Variants in LRCH2 observed in about 807,000 individuals in gnomAD.
LRCH2 encodes the protein leucine rich repeats and calponin homology domain containing 2, also known as leucine-rich repeat and calponin homology domain-containing protein 2.
LRCH2 carries 38 observed loss-of-function variants against 68.9 expected under a neutral mutation model. The ratio of observed to expected loss-of-function variants is 0.55; its 90% CI spans 0.43 to 0.72. The LOEUF (loss-of-function observed/expected upper bound fraction) is 0.72, where lower values mean the gene tolerates loss of function less well. Ranked by LOEUF, LRCH2 falls within the 30% of genes least tolerant of loss-of-function variation. The pLI is 0.00. For synonymous variants in LRCH2, 191 were observed against 208.1 expected, an observed-to-expected ratio of 0.92 and a Z score of 0.71; for missense variants, 528 against 572.9, an observed-to-expected ratio of 0.92 and a Z score of 0.80.
At position 115,207,356 on chromosome X, in the gene LRCH2, T is replaced by C. The variant is rs1237456009; in HGVS notation, c.350-18986A>G. Among the ~76,000 whole-genome samples, 4 of 110,299 alleles carry C rather than the reference T, an allele frequency of 3.6e-5. No homozygotes were observed. In the East Asian group the frequency reaches 1.2e-3, roughly 32 times the overall value. Reference sequence around the variant, plus strand: ...GTGTTCCAGACCAGCCTGGGCAATATGGCGAAACCCTATCTCTACAAAAAA... The same window carrying C: ...GTGTTCCAGACCAGCCTGGGCAATACGGCGAAACCCTATCTCTACAAAAAA... On this transcript the variant is annotated intron_variant, in intron 1 of 20. Transcript: ENST00000317135.
At chrX:115,195,022 T>G (rs1381005166) in intron 1 of LRCH2, among the ~76,000 whole-genome samples, 1 of 111,616 alleles carries the variant, frequency 9.0e-6, no homozygotes, top group African/African-American at 3.3e-5. Context: ...CAGTGGCTCA[T>G]GCCTATAATC....
chrX:115,188,232 T>A lies in LRCH2; in HGVS notation c.488A>T (p.Asn163Ile). The A allele has an allele frequency of 8.9e-7, 1 of 1,122,927 alleles. No individual in the cohort carries two copies. The highest frequency in any genetic ancestry group is 1.2e-6 in the Non-Finnish European group (1 of 849,780). 92.5% of individuals were successfully genotyped at this position (1,122,927 alleles called of 1,213,427 possible). ...IKNLQMLTYL[N>I]ISRNLLSTLP... ...TTTTAAATTGTTTCCTTACCTAATG[T>A]TAAGGTATGTTAACATCTGCAGATT... The change falls in exon 2 of 21, where the codon AAC becomes ATC. Residue 163 changes from asparagine to isoleucine, a missense_variant. Physicochemically the swap from Asn to Ile is moderately radical, Grantham distance 149. Coordinates refer to ENST00000317135, the MANE Select transcript of LRCH2 (RefSeq NM_020871.4).
chrX:115,221,352 C>A (rs927104241), intron 1 of LRCH2, among the ~76,000 whole-genome samples: 7 of 102,978 alleles, frequency 6.8e-5, no homozygotes, highest in African/African-American at 2.5e-4. Context: ...TTAAAAATAA[C>A]AAAACAATAA....
At chrX:115,192,183 G>A in intron 1 of LRCH2, 2 of 1,164,977 alleles carry the variant, frequency 1.7e-6, no homozygotes, top group Admixed American at 2.6e-5. Context: ...GCTGCTACGA[G>A]GAATACCAAG....
chrX:115,116,455 A>G (rs964629509), intron 20 of LRCH2, among the ~76,000 whole-genome samples: 1 of 111,231 alleles, frequency 9.0e-6, no homozygotes, highest in Non-Finnish European at 1.9e-5. Flanking sequence ...CAGACACTAA[A>G]GACCACATAT....
At chrX:115,133,269 C>T (rs782616548) in intron 14 of LRCH2, among the ~76,000 whole-genome samples, 30 of 111,884 alleles carry the variant, frequency 2.7e-4, no homozygotes, top group African/African-American at 9.4e-4. Flanking sequence ...AAATGAAGAC[C>T]GCTCTTGCCT....
intron 1 of LRCH2, chrX:115,192,621 G>T (rs782800955): frequency 2.6e-6 from 3 of 1,170,701 alleles, no homozygotes; most frequent in Non-Finnish European, 3.4e-6. Context: ...GCTTCGAGAG[G>T]GGGGAAGGCC....
intron 11 of LRCH2, among the ~76,000 whole-genome samples, chrX:115,159,566 A>G (rs901516886): frequency 9.1e-6 from 1 of 110,121 alleles, no homozygotes; most frequent in Non-Finnish European, 1.9e-5. Flanking sequence ...CCTGGCTAAC[A>G]TGGTGAAACC....
intron 1 of LRCH2, among the ~76,000 whole-genome samples, chrX:115,202,388 GA>G (rs1336802431): frequency 1.8e-5 from 2 of 111,712 alleles, no homozygotes; most frequent in African/African-American, 6.5e-5. Flanking sequence ...GAGAGTGGGA[GA>G]GGGGTATATA....
intron 1 of LRCH2, 85 bp from the exon 2 acceptor site, chrX:115,188,455 G>T (rs2072750746): frequency 3.0e-6 from 2 of 661,058 alleles, no homozygotes; most frequent in African/African-American, 4.5e-5. Context: ...GAATCACTTA[G>T]AATCTAAGCA....
intron 1 of LRCH2, among the ~76,000 whole-genome samples, chrX:115,221,664 C>G (rs1250515091): frequency 8.9e-6 from 1 of 112,102 alleles, no homozygotes; most frequent in African/African-American, 3.2e-5. Flanking sequence ...TTCAACAATG[C>G]ATATTTTCTT....
At position 115,178,866 on chromosome X, in the gene LRCH2, T is replaced by A. The variant is rs1287885574; in HGVS notation, c.864+561A>T. ...TCTAAGTAAAGGTACTTGTTTCTAC[T>A]ATTCTATTTTCCATTTTCAGAAATT... On this transcript the variant is annotated intron_variant, in intron 5 of 20. Transcript: ENST00000317135. Among the ~76,000 whole-genome samples, 5 of 112,179 alleles carry A rather than the reference T, an allele frequency of 4.5e-5. No homozygotes were observed. In the East Asian group the frequency reaches 1.4e-3, roughly 32 times the overall value.
At chrX:115,223,227 A>G (rs1414794574) in intron 1 of LRCH2, among the ~76,000 whole-genome samples, 1 of 111,752 alleles carries the variant, frequency 8.9e-6, no homozygotes, top group Non-Finnish European at 1.9e-5. Context: ...TGAAAGAGCT[A>G]AAACTATAAA....
intron 5 of LRCH2, among the ~76,000 whole-genome samples, chrX:115,177,325 C>G (rs1306361085): frequency 9.0e-6 from 1 of 110,710 alleles, no homozygotes; most frequent in Non-Finnish European, 1.9e-5. Flanking sequence ...TTCCATCTAT[C>G]TGGTGATCAG....
intron 1 of LRCH2, among the ~76,000 whole-genome samples, chrX:115,206,931 C>T (rs2072972311): frequency 9.3e-6 from 1 of 107,492 alleles, no homozygotes. Flanking sequence ...TAACATAAAA[C>T]TATTTGTATC....
At chrX:115,114,115 T>C (rs1429301280) in intron 20 of LRCH2, among the ~76,000 whole-genome samples, 1 of 111,369 alleles carries the variant, frequency 9.0e-6, no homozygotes, top group Admixed American at 9.6e-5. Context: ...AATCAATGTG[T>C]CCACAACAGA....
At chrX:115,215,757 A>C (rs1437070777) in intron 1 of LRCH2, among the ~76,000 whole-genome samples, 2 of 71,544 alleles carry the variant, frequency 2.8e-5, no homozygotes. Context: ...GTGACAGAGC[A>C]AGACTCCATC....
intron 1 of LRCH2, among the ~76,000 whole-genome samples, chrX:115,194,673 A>G (rs1181087054): frequency 4.5e-5 from 5 of 111,926 alleles, no homozygotes; most frequent in Non-Finnish European, 9.4e-5. Context: ...ATATATTTTG[A>G]AATTAGTACT....
intron 12 of LRCH2, among the ~76,000 whole-genome samples, chrX:115,151,244 A>AT (rs1475421154): frequency 9.0e-6 from 1 of 111,296 alleles, no homozygotes; most frequent in Non-Finnish European, 1.9e-5. Context: ...GAATCTACAG[A>AT]TTTTTCAATG....
Sources: allele counts gnomAD v4.1 joint callset (sites outside exome capture counted in the v4.1 genomes callset), GRCh38; gene constraint gnomAD v4.1.1; transcripts MANE v1.5; gene names NCBI Gene and HGNC (gene_info 2026-07-23, HGNC 2026-07-21).